The following DNAH17 variants were observed in gnomAD, a reference collection of about 807,000 sequenced individuals.
DNAH17 encodes the protein dynein axonemal heavy chain 17.
Under a neutral mutation model 485.6 loss-of-function variants are expected in DNAH17, and 376 were observed. That is an observed-to-expected ratio of 0.77 (90% CI 0.71 to 0.84). DNAH17 has a LOEUF of 0.84. Among genes scored for constraint, DNAH17 ranks in the 40% least tolerant of loss-of-function variants. DNAH17 has a pLI of 0.00. For missense variants in DNAH17, 6,370 were observed against 5,839.3 expected (o/e 1.09, Z -2.96); for synonymous variants, 3,031 against 2,405.9 (o/e 1.26, Z -7.60).
At chr17:78,556,982 A>G (rs55705008) in intron 14 of DNAH17, among the ~76,000 whole-genome samples, 49,640 of 151,940 alleles carry the variant, frequency 0.33, 8,301 homozygotes, top group East Asian at 0.4. Context: ...CGTGCCAGGA[A>G]GGAGGTGCCC....
intron 54 of DNAH17, among the ~76,000 whole-genome samples, chr17:78,474,116 C>G (rs2088899898): frequency 6.6e-6 from 1 of 152,242 alleles, no homozygotes. Flanking sequence ...CCTCCAGGGT[C>G]TCTGCCTGCA....
At chr17:78,544,715 G>A (rs1024460109) in intron 16 of DNAH17, among the ~76,000 whole-genome samples, 9 of 149,352 alleles carry the variant, frequency 6.0e-5, no homozygotes, top group Non-Finnish European at 1.3e-4. Flanking sequence ...GCAGGAGAAT[G>A]GCGTGAACCC....
At chr17:78,474,464 G>A (rs2088915304) in intron 54 of DNAH17, among the ~76,000 whole-genome samples, 1 of 152,226 alleles carries the variant, frequency 6.6e-6, no homozygotes, top group Admixed American at 6.5e-5. Flanking sequence ...TTAGTCTAAT[G>A]TTTATTTCAT....
intron 6 of DNAH17, 70 bp downstream of exon 6, chr17:78,570,878 A>AG: frequency 1.4e-6 from 1 of 735,098 alleles, no homozygotes. Context: ...AAAAAAAAAA[A>AG]GAAAAAAGAA....
intron 80 of DNAH17, 156 bp from the exon 81 acceptor site, chr17:78,424,309 T>G (rs1325180099): frequency 2.8e-5 from 25 of 899,974 alleles, no homozygotes; most frequent in Non-Finnish European, 3.6e-5. Context: ...AGCAGAGGCC[T>G]TCGTAGGTGA....
chr17:78,543,511 C>T (rs985679885), intron 17 of DNAH17, among the ~76,000 whole-genome samples: 5 of 151,616 alleles, frequency 3.3e-5, no homozygotes, highest in Non-Finnish European at 5.9e-5. Flanking sequence ...AGGATGGTCT[C>T]GATCTCCTGA....
At chr17:78,494,482 A>G (rs1244716330) in intron 40 of DNAH17, 111 bp downstream of exon 40, 2 of 1,250,582 alleles carry the variant, frequency 1.6e-6, no homozygotes, top group Non-Finnish European at 2.3e-6. Flanking sequence ...TCTTTGTAGC[A>G]TCGGGAAACG....
rs761542455 is a variant in DNAH17 at position 78,459,018 on chromosome 17, T to G, written c.9844A>C (p.Ile3282Leu). 34 of 1,613,928 alleles carry G rather than the reference T, an allele frequency of 2.1e-5. No homozygotes were observed. The highest frequency in any genetic ancestry group is 2.8e-5 in the Non-Finnish European group (33 of 1,179,904). Residue 3282 changes from isoleucine (I) to leucine (L), a missense_variant, in exon 61 of 81, where the codon ATC becomes CTC. Ile to Leu is a conservative substitution (Grantham distance 5). Transcript: ENST00000389840. Reference sequence around the variant, plus strand: ...GCACTTACGGCAATCTTGTTTTTGATCCGGGACAGCTTCTCTTGTGCCTCT... The same window carrying G: ...GCACTTACGGCAATCTTGTTTTTGAGCCGGGACAGCTTCTCTTGTGCCTCT... ...LAEAQEKLSRIKNKIAELNAN... is the reference protein window; with the variant it reads ...LAEAQEKLSRLKNKIAELNAN...
In DNAH17 at chr17:78,551,563, T is replaced by C. The variant is rs2091902505; in HGVS notation, c.2363A>G (p.Asn788Ser). ...LQNRMQKAKQNIEGISQAMKD... is the reference protein window; with the variant it reads ...LQNRMQKAKQSIEGISQAMKD... ...CATAGCCTGGGAAATTCCTTCTATA[T>C]TTTGTTTTGCCTTTTGCATCCTGTT... Residue 788 changes from asparagine (N) to serine (S), a missense_variant, in exon 16 of 81, where the codon AAT becomes AGT. Physicochemically the swap from Asn to Ser is conservative, Grantham distance 46. Transcript: ENST00000389840. 6.2e-7 allele frequency: 1 copy of C among 1,613,958 alleles called. No homozygotes were observed. The highest frequency in any genetic ancestry group is 1.3e-5 in the African/African-American group (1 of 74,950).
At chr17:78,574,416 T>C (rs933654045) in intron 2 of DNAH17, among the ~76,000 whole-genome samples, 4 of 151,538 alleles carry the variant, frequency 2.6e-5, no homozygotes, top group Admixed American at 1.3e-4. Flanking sequence ...GGCTGGAGGA[T>C]TGGTTGAGCT....
chr17:78,504,599 T>C (rs866297674), intron 31 of DNAH17, among the ~76,000 whole-genome samples: 1 of 152,094 alleles, frequency 6.6e-6, no homozygotes, highest in Middle Eastern at 3.2e-3. Flanking sequence ...TACCTCTGCA[T>C]TGTATTTTCC....
chr17:78,575,010 G>A lies in DNAH17; in HGVS notation c.48C>T (p.Ala16=). The change falls in exon 2 of 81, where the codon GCC becomes GCT. Residue 16 remains alanine (A), a synonymous_variant. Transcript: ENST00000389840. ...CCGGCTTGAACTTCAGGACGATGGA[G>A]GCAACTTCCTCCAGATACTCTAGTC... The part of the protein sequence containing the change: ...DVRLEYLEEV[A]SIVLKFKPDK... The A allele has an allele frequency of 6.2e-7, 1 of 1,613,976 alleles. No individual in the cohort carries two copies. The highest frequency in any genetic ancestry group is 8.5e-7 in the Non-Finnish European group (1 of 1,179,890).
chr17:78,432,988 G>A lies in DNAH17; in HGVS notation c.12225+1041C>T, dbSNP rs867578853. Among the ~76,000 whole-genome samples the A allele has an allele frequency of 1.6e-4, 21 of 129,728 alleles. No individual in the cohort carries two copies. The Middle Eastern group carries it at 0.013, about 83-fold the overall frequency. The allele number at this position is 129,728 out of a possible 152,430, so 85.1% of individuals were successfully genotyped here. On this transcript the variant is annotated intron_variant, in intron 75 of 80. Coordinates refer to ENST00000389840, the MANE Select transcript of DNAH17 (RefSeq NM_173628.4). ...GAGTCCTCCAACCCCGAGGCCCCAC[G>A]TAGGCAGCAGCCCTCCTGGGCAGCT...
chr17:78,566,850 G>T, intron 10 of DNAH17, 120 bp from the exon 11 acceptor site: 2 of 1,302,710 alleles, frequency 1.5e-6, no homozygotes, highest in Non-Finnish European at 2.1e-6. Flanking sequence ...ATGTGCTGTT[G>T]CGGGGACCGC....
At chr17:78,466,911 G>T in intron 55 of DNAH17, 95 bp from the exon 56 acceptor site, 2 of 1,350,060 alleles carry the variant, frequency 1.5e-6, no homozygotes, top group Admixed American at 2.9e-5. Context: ...AAAGCAACGC[G>T]CCCTGCCGGG....
intron 30 of DNAH17, 143 bp from the exon 31 acceptor site, chr17:78,505,588 T>A: frequency 2.7e-6 from 3 of 1,108,718 alleles, no homozygotes; most frequent in Non-Finnish European, 3.9e-6. Flanking sequence ...TAAACATGAC[T>A]AAGTCAACAA....
chr17:78,526,904 C>T lies in DNAH17; in HGVS notation c.3600G>A (p.Leu1200=). 6.3e-7 allele frequency: 1 copy of T among 1,579,218 alleles called. No individual in the cohort carries two copies. The highest frequency in any genetic ancestry group is 8.6e-7 in the Non-Finnish European group (1 of 1,162,158). ...CCTCGAATTGCTGGCATTTCCGCCG[C>T]AGGATGCTGACCTCGTTGGCCTGGA... ...APLQANEVSI[L]RRKCQQFELK... Residue 1200 remains leucine, a synonymous_variant, in exon 23 of 81, where the codon CTG becomes CTA. Transcript: ENST00000389840.
chr17:78,492,549 T>C (rs1804412058), intron 42 of DNAH17, 84 bp downstream of exon 42: 3 of 1,559,410 alleles, frequency 1.9e-6, no homozygotes, highest in South Asian at 1.2e-5. Flanking sequence ...GAGGCTGGCC[T>C]TCCACGTGGG....
intron 38 of DNAH17, among the ~76,000 whole-genome samples, chr17:78,495,372 T>TC (rs1188934310): frequency 6.6e-6 from 1 of 151,064 alleles, no homozygotes; most frequent in Admixed American, 6.6e-5. Context: ...CCAGGTGCGG[T>TC]CCTCCCACCC....
Sources: allele counts gnomAD v4.1 joint callset (sites outside exome capture counted in the v4.1 genomes callset), GRCh38; gene constraint gnomAD v4.1.1; transcripts MANE v1.5; gene names NCBI Gene and HGNC (gene_info 2026-07-23, HGNC 2026-07-21).